The following KALRN variants were observed in gnomAD, a reference collection of about 807,000 sequenced individuals.
The protein encoded by KALRN is kalirin.
A neutral mutation model predicts 353.7 loss-of-function variants in KALRN; 70 were observed. That is an observed-to-expected ratio of 0.20 (90% CI 0.16 to 0.24). The LOEUF (loss-of-function observed/expected upper bound fraction) is 0.24, where lower values mean the gene tolerates loss of function less well. Ranked by LOEUF, KALRN falls within the 10% of genes least tolerant of loss-of-function variation. The pLI is 1.00. For missense variants in KALRN, 2,791 were observed against 3,756.7 expected, an observed-to-expected ratio of 0.74 and a Z score of 6.72; for synonymous variants, 1,391 against 1,434.8, an observed-to-expected ratio of 0.97 and a Z score of 0.69.
intron 10 of KALRN, among the ~76,000 whole-genome samples, chr3:124,358,000 C>A (rs948927187): frequency 5.9e-5 from 9 of 152,152 alleles, no homozygotes; most frequent in African/African-American, 2.2e-4. Flanking sequence ...TTTATAAGAA[C>A]ACAGGCTCCA....
intron 55 of KALRN, 43 bp from the exon 56 acceptor site, chr3:124,699,826 C>G: frequency 1.3e-6 from 2 of 1,599,060 alleles, no homozygotes; most frequent in East Asian, 4.5e-5. Flanking sequence ...AACAATATCC[C>G]TTTGGCTTTT....
At chr3:124,521,854 T>C (rs890224971) in intron 33 of KALRN, among the ~76,000 whole-genome samples, 8 of 152,164 alleles carry the variant, frequency 5.3e-5, no homozygotes, top group African/African-American at 1.9e-4. Context: ...GATTCAGCAG[T>C]TGCTTATTCA....
intron 2 of KALRN, among the ~76,000 whole-genome samples, chr3:124,233,721 G>T (rs539567939): frequency 4.6e-5 from 7 of 152,140 alleles, no homozygotes; most frequent in Non-Finnish European, 8.8e-5. Flanking sequence ...TGCCCTCTGT[G>T]TAAGAGATCC....
At chr3:124,688,926 A>C (rs1308611262) in intron 51 of KALRN, among the ~76,000 whole-genome samples, 1 of 152,212 alleles carries the variant, frequency 6.6e-6, no homozygotes, top group Non-Finnish European at 1.5e-5. Context: ...AAAAACGATA[A>C]AATTATTGGA....
chr3:124,106,425 A>G (rs939384035), intron 1 of KALRN, among the ~76,000 whole-genome samples: 2 of 152,094 alleles, frequency 1.3e-5, no homozygotes, highest in African/African-American at 4.8e-5. Context: ...TTCTCATTGT[A>G]TACATGAGAA....
intron 33 of KALRN, chr3:124,518,390 T>C: frequency 6.2e-7 from 1 of 1,613,658 alleles, no homozygotes; most frequent in East Asian, 2.2e-5. Flanking sequence ...CCCGGCCCTT[T>C]TCTTAACAGG....
chr3:124,706,988 A>G (rs970112053), intron 57 of KALRN, among the ~76,000 whole-genome samples: 3 of 152,144 alleles, frequency 2.0e-5, no homozygotes, highest in Non-Finnish European at 4.4e-5. Flanking sequence ...TCCCTGGACA[A>G]GATACAAAAA....
In KALRN at chr3:124,470,229, A is replaced by T. The variant is rs2060748948; in HGVS notation, c.4032-4434A>T. On this transcript the variant is annotated intron_variant, in intron 25 of 59. Coordinates refer to ENST00000682506, the MANE Select transcript of KALRN (RefSeq NM_001388419.1). The stretch of plus-strand genomic sequence containing the variant: ...TTTGCTCATTCCTTCACAATTTATT[A>T]CATGTAATTATTGGAGTAGTGAGGG... Among the ~76,000 whole-genome samples the T allele has an allele frequency of 3.3e-5, 5 of 152,318 alleles. No individual in the cohort carries two copies. The South Asian group carries it at 1.0e-3, about 32-fold the overall frequency.
chr3:124,470,465 T>C (rs989008273), intron 25 of KALRN, among the ~76,000 whole-genome samples: 2 of 152,310 alleles, frequency 1.3e-5, no homozygotes, highest in South Asian at 4.1e-4. Flanking sequence ...ACATTTACAT[T>C]GAGATGGTAA....
intron 43 of KALRN, 147 bp downstream of exon 43, chr3:124,659,604 G>A (rs1578740123): frequency 1.7e-6 from 1 of 593,658 alleles, no homozygotes. Flanking sequence ...AGGGACGTGG[G>A]AACTTTTATC....
chr3:124,358,278 A>G (rs1376686947), intron 10 of KALRN, among the ~76,000 whole-genome samples: 2 of 152,162 alleles, frequency 1.3e-5, no homozygotes, highest in African/African-American at 2.4e-5. Context: ...TCCCAGCCCC[A>G]CTAATTTTCC....
intron 23 of KALRN, among the ~76,000 whole-genome samples, chr3:124,458,269 C>G (rs1232509057): frequency 2.2e-5 from 2 of 90,692 alleles, no homozygotes; most frequent in Non-Finnish European, 4.1e-5. Flanking sequence ...GAGCAAGACT[C>G]TGTCTCAAAA....
intron 1 of KALRN, among the ~76,000 whole-genome samples, chr3:124,110,810 C>A (rs1310461053): frequency 6.6e-6 from 1 of 152,138 alleles, no homozygotes; most frequent in Non-Finnish European, 1.5e-5. Context: ...GTGAAGCTTC[C>A]CCTCTGAGAG....
intron 10 of KALRN, among the ~76,000 whole-genome samples, chr3:124,374,985 T>G (rs1350252399): frequency 2.6e-5 from 4 of 152,258 alleles, no homozygotes; most frequent in African/African-American, 9.6e-5. Flanking sequence ...GGGCAGTCTA[T>G]GTATCCACAT....
intron 34 of KALRN, among the ~76,000 whole-genome samples, chr3:124,573,110 C>T (rs754155396): frequency 1.6e-4 from 25 of 152,100 alleles, no homozygotes; most frequent in Non-Finnish European, 3.5e-4. Flanking sequence ...TTGGGTAAGA[C>T]ACTTAAAATC....
chr3:124,413,542 A>G lies in KALRN; in HGVS notation c.2419A>G (p.Thr807Ala). The G allele has an allele frequency of 2.5e-6, 4 of 1,614,126 alleles. No individual in the cohort carries two copies. In the South Asian group the frequency reaches 4.4e-5, roughly 18 times the overall value. ...GAATGACTTCAACACAGAGGACCTAACCCTGGCAGAACAGCGGCTGCAGCG... is the reference window on the plus strand; with the variant it reads ...GAATGACTTCAACACAGAGGACCTAGCCCTGGCAGAACAGCGGCTGCAGCG... ...QMNDFNTEDL[T>A]LAEQRLQRHT... Residue 807 changes from threonine (T) to alanine (A), a missense_variant, in exon 14 of 60, where the codon ACC becomes GCC. Physicochemically the swap from Thr to Ala is moderately conservative, Grantham distance 58 (BLOSUM62 0). Transcript: ENST00000682506.
At chr3:124,487,366 T>G (rs536374640) in intron 28 of KALRN, among the ~76,000 whole-genome samples, 13 of 152,136 alleles carry the variant, frequency 8.5e-5, no homozygotes, top group Non-Finnish European at 1.3e-4. Context: ...AAGGACACAC[T>G]CCCCAGCTCC....
At chr3:124,402,824 T>C (rs1196568191) in intron 13 of KALRN, among the ~76,000 whole-genome samples, 2 of 152,234 alleles carry the variant, frequency 1.3e-5, no homozygotes, top group Non-Finnish European at 2.9e-5. Context: ...AATTTCCAAT[T>C]ATTTTTTGCC....
At position 124,608,562 on chromosome 3, in the gene KALRN, G is replaced by T. The variant is rs114054467; in HGVS notation, c.5183-23858G>T. On this transcript the variant is annotated intron_variant, in intron 34 of 59. Transcript: ENST00000682506. ...TTCCCCTCCCTCCTGATAGTCTGTG[G>T]ACCGTATGTTTTTGCTTCTCCCTAG... 2.6e-3 allele frequency among the ~76,000 whole-genome samples: 395 copies of T among 152,176 alleles called. 2 individuals are homozygous for T. Among genetic ancestry groups the T allele is most frequent in the African/African-American group, 9.1e-3 (377 of 41,528 alleles).
Sources: allele counts gnomAD v4.1 joint callset (sites outside exome capture counted in the v4.1 genomes callset), GRCh38; gene constraint gnomAD v4.1.1; transcripts MANE v1.5; gene names NCBI Gene and HGNC (gene_info 2026-07-23, HGNC 2026-07-21).